Variants in RARB observed in about 807,000 individuals in gnomAD.
The protein encoded by RARB is retinoic acid receptor beta.
Under a neutral mutation model 51.9 loss-of-function variants are expected in RARB, and 17 were observed. That is an observed-to-expected ratio of 0.33 (90% confidence interval 0.22 to 0.49). RARB has a LOEUF of 0.49. RARB is among the 20% of genes least tolerant of loss of function. The probability of loss-of-function intolerance (pLI) is 0.99; values close to 1 mark genes in which losing one functional copy is unlikely to be tolerated. For missense variants in RARB, 369 were observed against 550.8 expected (o/e 0.67, Z 3.30); for synonymous variants, 215 against 195.4 (o/e 1.10, Z -0.84).
chr3:25,274,735 C>G (rs1380702826), intron 5 of RARB, among the ~76,000 whole-genome samples: 1 of 152,144 alleles, frequency 6.6e-6, no homozygotes, highest in African/African-American at 2.4e-5. Context: ...TCCCCTTATT[C>G]TGGGACCAGC....
At chr3:24,962,003 C>CTGTCGCCCAGGCTAG in intron 2 of RARB, among the ~76,000 whole-genome samples, 1 of 135,240 alleles carries the variant, frequency 7.4e-6, no homozygotes, top group African/African-American at 2.8e-5. Flanking sequence ...TATCATGGCT[C>CTGTCGCCCAGGCTAG]ACTGCAAGCT....
rs1707891959 is a variant in RARB, at chr3:25,422,634, G to GAAAATA, written c.179-38559_179-38558insAAAATA. On this transcript the variant is annotated intron_variant, in intron 5 of 11. Transcript: ENST00000383772. ...TTATGGAAGGAAATGAAGACAATAAGGTAGAAAAGTGAGAAATTACCAGCC... is the reference window on the plus strand; with the variant it reads ...TTATGGAAGGAAATGAAGACAATAAGAAAATAGTAGAAAAGTGAGAAATTACCAGCC... Among the ~76,000 whole-genome samples the GAAAATA allele has an allele frequency of 2.6e-5, 4 of 151,980 alleles. 1 individual carries two copies. Among genetic ancestry groups the GAAAATA allele is most frequent in the African/African-American group, 9.7e-5 (4 of 41,446 alleles).
intron 4 of RARB, among the ~76,000 whole-genome samples, chr3:25,153,422 G>A (rs1470378804): frequency 1.3e-5 from 2 of 152,040 alleles, no homozygotes; most frequent in Non-Finnish European, 2.9e-5. Flanking sequence ...TTTCTTTATC[G>A]AGTTACCGCC....
intron 5 of RARB, among the ~76,000 whole-genome samples, chr3:25,591,692 A>G (rs1701620235): frequency 6.6e-6 from 1 of 152,178 alleles, no homozygotes; most frequent in South Asian, 2.1e-4. Context: ...CTATTACTGT[A>G]TGTTAGGGAT....
rs529662461 is a variant in RARB, at chr3:25,020,923, C to T, written c.-379-39202C>T. 1.4e-3 allele frequency among the ~76,000 whole-genome samples: 206 copies of T among 152,186 alleles called. 1 individual carries two copies. Among genetic ancestry groups the T allele is most frequent in the African/African-American group, 4.7e-3 (197 of 41,516 alleles). ...GTCAGAGGTTGCAGTGAGCCGAGAT[C>T]GTGCCACTGCACTCCAGCCTGGCAA... On this transcript the variant is annotated intron_variant, in intron 2 of 11. Transcript: ENST00000383772.
chr3:25,015,516 C>A (rs1697490208), intron 2 of RARB, among the ~76,000 whole-genome samples: 1 of 152,080 alleles, frequency 6.6e-6, no homozygotes, highest in Admixed American at 6.6e-5. Flanking sequence ...TTTCCTGACC[C>A]AGGCATAATG....
intron 5 of RARB, among the ~76,000 whole-genome samples, chr3:25,310,546 A>G (rs1429728387): frequency 6.6e-6 from 1 of 152,200 alleles, no homozygotes; most frequent in Non-Finnish European, 1.5e-5. Flanking sequence ...AGCAGACAAA[A>G]TGCAGTATGT....
chr3:25,264,909 T>C (rs570935610), intron 5 of RARB, among the ~76,000 whole-genome samples: 53 of 152,296 alleles, frequency 3.5e-4, no homozygotes, highest in African/African-American at 1.2e-3. Context: ...ACCCAGAAAT[T>C]CATATGTAAA....
intron 2 of RARB, among the ~76,000 whole-genome samples, chr3:24,907,765 C>A (rs185485868): frequency 6.6e-6 from 1 of 151,792 alleles, no homozygotes. Context: ...ATCTAGTAAA[C>A]CCTAACTAAA....
intron 1 of RARB, among the ~76,000 whole-genome samples, chr3:25,449,777 A>T (rs1313586341): frequency 6.7e-6 from 1 of 149,066 alleles, no homozygotes; most frequent in African/African-American, 2.5e-5. Flanking sequence ...TTTTAGACGG[A>T]GTCCTGCTGT....
At chr3:25,283,669 T>C (rs1004389208) in intron 5 of RARB, among the ~76,000 whole-genome samples, 1 of 152,214 alleles carries the variant, frequency 6.6e-6, no homozygotes, top group African/African-American at 2.4e-5. Flanking sequence ...AATTTTAAGC[T>C]GCAGATCAAT....
chr3:25,133,592 C>T (rs532371813), intron 4 of RARB, among the ~76,000 whole-genome samples: 1 of 152,106 alleles, frequency 6.6e-6, no homozygotes, highest in East Asian at 1.9e-4. Flanking sequence ...CTCAAAAATG[C>T]ATTCTAATAA....
intron 5 of RARB, among the ~76,000 whole-genome samples, chr3:25,589,034 C>T (rs149962740): frequency 6.6e-6 from 1 of 152,322 alleles, no homozygotes; most frequent in African/African-American, 2.4e-5. Context: ...AGAATTTGCA[C>T]ACATATTTTT....
intron 5 of RARB, among the ~76,000 whole-genome samples, chr3:25,190,787 CA>C (rs1701085148): frequency 1.3e-5 from 2 of 152,036 alleles, no homozygotes; most frequent in South Asian, 4.1e-4. Context: ...AGAATGAGTT[CA>C]CATCAGTAAT....
intron 5 of RARB, among the ~76,000 whole-genome samples, chr3:25,412,306 G>T (rs1215512173): frequency 6.6e-6 from 1 of 151,954 alleles, no homozygotes; most frequent in Non-Finnish European, 1.5e-5. Flanking sequence ...TTGAGGCTTT[G>T]GTGTTTTTTT....
chr3:25,055,631 A>T (rs999215842), intron 2 of RARB, among the ~76,000 whole-genome samples: 1 of 152,104 alleles, frequency 6.6e-6, no homozygotes, highest in African/African-American at 2.4e-5. Flanking sequence ...GATTGGGGGA[A>T]AAGTTATTAG....
chr3:24,849,858 T>A (rs987564913), intron 1 of RARB, among the ~76,000 whole-genome samples: 1 of 150,746 alleles, frequency 6.6e-6, no homozygotes, highest in Non-Finnish European at 1.5e-5. Flanking sequence ...GGAGTTAGGG[T>A]GGTAGATGAG....
At chr3:25,383,135 G>C (rs577630633) in intron 5 of RARB, among the ~76,000 whole-genome samples, 1 of 152,150 alleles carries the variant, frequency 6.6e-6, no homozygotes, top group Non-Finnish European at 1.5e-5. Flanking sequence ...TTTATATTTA[G>C]CCAGATTGGT....
intron 2 of RARB, among the ~76,000 whole-genome samples, chr3:25,487,690 A>G (rs1396185835): frequency 6.6e-6 from 1 of 152,180 alleles, no homozygotes; most frequent in Non-Finnish European, 1.5e-5. Flanking sequence ...GAAACCTGAA[A>G]TTACACATTA....
Sources: gnomAD v4.1 joint callset for allele counts (sites outside exome capture counted in the v4.1 genomes callset) on GRCh38, gnomAD v4.1.1 for gene constraint, MANE v1.5 for transcripts, NCBI Gene and HGNC (gene_info 2026-07-23, HGNC 2026-07-21) for gene names.